The following BORCS5 variants were observed in gnomAD, a reference collection of about 807,000 sequenced individuals.
BORCS5 encodes the protein BLOC-1 related complex subunit 5, also known as BLOC-1-related complex subunit 5.
A neutral mutation model predicts 22.1 loss-of-function variants in BORCS5; 17 were observed. That is an observed-to-expected ratio of 0.77 (90% CI 0.53 to 1.15). The LOEUF (loss-of-function observed/expected upper bound fraction) is 1.15. Ranked by LOEUF, BORCS5 falls within the 50% of genes most tolerant of loss-of-function variation. The probability of loss-of-function intolerance (pLI) is 0.00; values close to 1 mark genes in which losing one functional copy is unlikely to be tolerated. For synonymous variants in BORCS5, 117 were observed against 99.8 expected (o/e 1.17, Z -1.03); for missense variants, 247 against 253.2 (o/e 0.98, Z 0.17).
At chr12:12,391,455 G>A (rs576864306) in intron 2 of BORCS5, among the ~76,000 whole-genome samples, 5 of 151,472 alleles carry the variant, frequency 3.3e-5, no homozygotes, top group African/African-American at 9.7e-5. Flanking sequence ...GCATGATCTC[G>A]GCTCACTTCA....
At chr12:12,434,899 C>T (rs1942521486) in intron 2 of BORCS5, among the ~76,000 whole-genome samples, 1 of 152,182 alleles carries the variant, frequency 6.6e-6, no homozygotes, top group Non-Finnish European at 1.5e-5. Context: ...GGCTTAATTT[C>T]TAGACTGGGC....
chr12:12,437,426 A>C, intron 3 of BORCS5, among the ~76,000 whole-genome samples: 1 of 152,262 alleles, frequency 6.6e-6, no homozygotes, highest in East Asian at 1.9e-4. Flanking sequence ...ATGTGAGAAC[A>C]GACTAATACA....
chr12:12,420,987 A>G (rs866894841), intron 2 of BORCS5, among the ~76,000 whole-genome samples: 4 of 152,356 alleles, frequency 2.6e-5, no homozygotes, highest in African/African-American at 9.6e-5. Flanking sequence ...CAATCATGTC[A>G]TCTGCAAACA....
chr12:12,441,704 G>T (rs1942685766), intron 3 of BORCS5, among the ~76,000 whole-genome samples: 1 of 134,090 alleles, frequency 7.5e-6, no homozygotes, highest in Non-Finnish European at 1.6e-5. Context: ...CTAAATAGAG[G>T]CAAGGCAAAA....
At chr12:12,451,157 G>T (rs1470196257) in intron 3 of BORCS5, among the ~76,000 whole-genome samples, 1 of 150,078 alleles carries the variant, frequency 6.7e-6, no homozygotes, top group African/African-American at 2.4e-5. Context: ...TACATGGCAA[G>T]AATTTATTCT....
At chr12:12,411,803 T>C (rs77837507) in intron 2 of BORCS5, among the ~76,000 whole-genome samples, 8 of 152,204 alleles carry the variant, frequency 5.3e-5, no homozygotes, top group Admixed American at 3.9e-4. Context: ...TAATTAACTT[T>C]TGTATATGGT....
intron 1 of BORCS5, among the ~76,000 whole-genome samples, chr12:12,358,529 A>G (rs1863200170): frequency 6.6e-6 from 1 of 152,170 alleles, no homozygotes; most frequent in African/African-American, 2.4e-5. Context: ...AATAATTGCC[A>G]CCTTTGACAT....
intron 3 of BORCS5, among the ~76,000 whole-genome samples, chr12:12,436,247 C>T (rs1352444927): frequency 3.3e-5 from 5 of 152,162 alleles, no homozygotes; most frequent in Admixed American, 6.5e-5. Context: ...ATACGAAAAG[C>T]TCCAGTGATT....
chr12:12,360,744 A>C (rs1197477629), intron 1 of BORCS5, among the ~76,000 whole-genome samples: 1 of 151,720 alleles, frequency 6.6e-6, no homozygotes, highest in Admixed American at 6.6e-5. Flanking sequence ...TTTTTGAGAC[A>C]GAGTCTCACT....
At chr12:12,392,238 C>T (rs1361063337) in intron 2 of BORCS5, among the ~76,000 whole-genome samples, 4 of 151,526 alleles carry the variant, frequency 2.6e-5, no homozygotes, top group Non-Finnish European at 2.9e-5. Context: ...TATTAGTGTC[C>T]CTTTTAGAGA....
intron 2 of BORCS5, among the ~76,000 whole-genome samples, chr12:12,418,654 T>C (rs1463933343): frequency 6.6e-6 from 1 of 152,222 alleles, no homozygotes; most frequent in Non-Finnish European, 1.5e-5. Context: ...GCCATTGCAC[T>C]ACAGCCTGGG....
rs146036494 is a variant in BORCS5, at chr12:12,378,853, A to C, written c.202+17504A>C. On this transcript the variant is annotated intron_variant, in intron 2 of 3. Transcript: ENST00000314565. ...CTGCAGCCTCGACCTCCCAGGCTCA[A>C]GTAATCTTCCTGCCTCAGCCTCCTG... Among the ~76,000 whole-genome samples, 944 of 151,442 alleles carry C rather than the reference A, an allele frequency of 6.2e-3. 32 individuals are homozygous for C. Among genetic ancestry groups the C allele is most frequent in the African/African-American group, 0.021 (878 of 41,294 alleles).
chr12:12,395,375 T>A (rs1012155871), intron 2 of BORCS5, among the ~76,000 whole-genome samples: 8 of 151,212 alleles, frequency 5.3e-5, no homozygotes, highest in African/African-American at 2.0e-4. Flanking sequence ...TTCAAATGAT[T>A]CTCTTGTCTC....
chr12:12,457,582 T>C (rs1042432764), intron 3 of BORCS5, among the ~76,000 whole-genome samples: 1 of 152,010 alleles, frequency 6.6e-6, no homozygotes, highest in African/African-American at 2.4e-5. Context: ...GGCAGGAGAA[T>C]GGCGTGAACC....
At chr12:12,420,027 T>G (rs1311558131) in intron 2 of BORCS5, among the ~76,000 whole-genome samples, 1 of 152,136 alleles carries the variant, frequency 6.6e-6, no homozygotes, top group African/African-American at 2.4e-5. Flanking sequence ...TTTCTTTTGC[T>G]GTGCAGAAGC....
intron 3 of BORCS5, among the ~76,000 whole-genome samples, chr12:12,440,422 G>T (rs1942657359): frequency 6.6e-6 from 1 of 152,162 alleles, no homozygotes; most frequent in Non-Finnish European, 1.5e-5. Flanking sequence ...GGGTTCCAGA[G>T]ACATGTAACA....
Position 12,384,077 on chromosome 12 carries a change from C to T in BORCS5, c.202+22728C>T, listed in dbSNP as rs1230741887. Reference sequence around the variant, plus strand: ...GTTGCCCCAGTGAATTTTTCATTTCCATTATTATACTTTTCAACTCCAAGA... The same window carrying T: ...GTTGCCCCAGTGAATTTTTCATTTCTATTATTATACTTTTCAACTCCAAGA... On this transcript the variant is annotated intron_variant, in intron 2 of 3. Coordinates refer to ENST00000314565, the MANE Select transcript of BORCS5 (RefSeq NM_058169.6). 2.0e-5 allele frequency among the ~76,000 whole-genome samples: 3 copies of T among 150,962 alleles called. 1 individual carries two copies. Among genetic ancestry groups the T allele is most frequent in the Non-Finnish European group, 4.4e-5 (3 of 67,578 alleles).
chr12:12,470,257 A>C lies in BORCS5; in HGVS notation c.*4481A>C, dbSNP rs989776175. ...GGCTAATTTTTTATTTTTAGTAGAG[A>C]TGGGGTTTCACCATGTTGGCCAGGC... On this transcript the variant is annotated 3_prime_UTR_variant, in exon 4 of 4. Transcript: ENST00000314565. Among the ~76,000 whole-genome samples, 1 of 152,038 alleles carries C rather than the reference A, an allele frequency of 6.6e-6. No homozygotes were observed. Among genetic ancestry groups the C allele is most frequent in the Non-Finnish European group, 1.5e-5 (1 of 67,988 alleles).
chr12:12,434,835 TGA>T (rs888200893), intron 2 of BORCS5, among the ~76,000 whole-genome samples: 4 of 152,216 alleles, frequency 2.6e-5, no homozygotes, highest in Admixed American at 1.3e-4. Flanking sequence ...TGGTAATTTT[TGA>T]GAGTGTAGAG....
Sources: gnomAD v4.1 joint callset for allele counts (sites outside exome capture counted in the v4.1 genomes callset) on GRCh38, gnomAD v4.1.1 for gene constraint, MANE v1.5 for transcripts, NCBI Gene and HGNC (gene_info 2026-07-23, HGNC 2026-07-21) for gene names.